The following SOBP variants were observed in gnomAD, a reference collection of about 807,000 sequenced individuals.
SOBP encodes the protein sine oculis binding protein homolog, also known as sine oculis-binding protein homolog.
Under a neutral mutation model 53.6 loss-of-function variants are expected in SOBP, and 4 were observed. The observed-to-expected ratio is 0.07, with a 90% confidence interval of 0.04 to 0.17. The LOEUF (loss-of-function observed/expected upper bound fraction) is 0.17. SOBP is among the 10% of genes least tolerant of loss of function. The pLI, the probability that SOBP is intolerant of heterozygous loss-of-function variation, is 1.00. For synonymous variants in SOBP, 584 were observed against 522.6 expected (o/e 1.12, Z -1.60); for missense variants, 1,088 against 1,204.7 (o/e 0.90, Z 1.43).
chr6:107,560,912 A>G (rs1784755505), intron 4 of SOBP, among the ~76,000 whole-genome samples: 1 of 152,126 alleles, frequency 6.6e-6, no homozygotes, highest in African/African-American at 2.4e-5. Flanking sequence ...TACTTGAGAG[A>G]CTCAGAAATG....
At chr6:107,628,123 C>T (rs1770542114) in intron 5 of SOBP, among the ~76,000 whole-genome samples, 1 of 152,234 alleles carries the variant, frequency 6.6e-6, no homozygotes, top group South Asian at 2.1e-4. Context: ...ACTATTCAAA[C>T]AGCAGTTGAG....
chr6:107,556,532 G>T (rs1784614485), intron 4 of SOBP, among the ~76,000 whole-genome samples: 1 of 152,210 alleles, frequency 6.6e-6, no homozygotes. Context: ...ACTATTTGGA[G>T]GTATCCAACG....
intron 1 of SOBP, among the ~76,000 whole-genome samples, chr6:107,497,920 A>G (rs1782740910): frequency 6.6e-6 from 1 of 152,204 alleles, no homozygotes; most frequent in African/African-American, 2.4e-5. Context: ...TAATGCATAG[A>G]GTCAAATTAC....
Position 107,490,455 on chromosome 6 carries a change from G to A in SOBP, c.-162G>A. On this transcript the variant is annotated 5_prime_UTR_variant, in exon 1 of 7. Transcript: ENST00000317357. ...CCGCTAGAAGAGACCCCGCTTCTCGGCGCCTGCCCTCCCCCTCGCGGCTCG... is the reference window on the plus strand; with the variant it reads ...CCGCTAGAAGAGACCCCGCTTCTCGACGCCTGCCCTCCCCCTCGCGGCTCG... 3.3e-6 allele frequency: 2 copies of A among 597,406 alleles called. No individual in the cohort carries two copies. Among genetic ancestry groups the A allele is most frequent in the Non-Finnish European group, 5.9e-6 (2 of 336,652 alleles). 37.0% of individuals were successfully genotyped at this position (597,406 alleles called of 1,614,324 possible). A position where few individuals can be genotyped will look rare whatever the true frequency, so the allele number is the denominator to read the frequency against.
At chr6:107,624,610 T>C (rs1210979714) in intron 5 of SOBP, among the ~76,000 whole-genome samples, 1 of 152,186 alleles carries the variant, frequency 6.6e-6, no homozygotes, top group African/African-American at 2.4e-5. Flanking sequence ...GCCTCAATTA[T>C]ATTGCATAGA....
At position 107,634,275 on chromosome 6, in the gene SOBP, C is replaced by T. The variant is rs1208665193; in HGVS notation, c.1431C>T (p.Pro477=). ...TMPGNPPGLL[P]PPPPGAPLPS... is the part of the protein sequence containing the mutation. ...CCGGGAACCCCCCAGGCCTGCTGCC[C>T]CCGCCGCCTCCGGGCGCCCCGCTGC... Residue 477 remains proline (P), a synonymous_variant, in exon 6 of 7, where the codon CCC becomes CCT. Coordinates refer to ENST00000317357, the MANE Select transcript of SOBP (RefSeq NM_018013.4). The surrounding 1 kb of genome is among the most constrained non-coding windows in gnomAD (Gnocchi z 4.5). 4 of 1,558,444 alleles carry T rather than the reference C, an allele frequency of 2.6e-6. No homozygotes were observed. In the South Asian group the frequency reaches 3.5e-5, roughly 14 times the overall value.
intron 3 of SOBP, chr6:107,529,623 T>C (rs1029378430): frequency 1.0e-6 from 1 of 985,250 alleles, no homozygotes; most frequent in African/African-American, 1.7e-5. Flanking sequence ...TAAGTTAGTA[T>C]ACATGTTTAT....
chr6:107,606,760 A>T (rs950182132), intron 5 of SOBP, among the ~76,000 whole-genome samples: 12 of 152,314 alleles, frequency 7.9e-5, no homozygotes, highest in Non-Finnish European at 1.5e-4. Context: ...TGCCTACAGG[A>T]GCAGGAGAGG....
chr6:107,578,136 C>CTT (rs990358768), intron 4 of SOBP, among the ~76,000 whole-genome samples: 1 of 150,662 alleles, frequency 6.6e-6, no homozygotes, highest in African/African-American at 2.4e-5. Context: ...GGAGTACCAT[C>CTT]TTTCACAGGC....
intron 4 of SOBP, among the ~76,000 whole-genome samples, chr6:107,571,373 G>A (rs903448497): frequency 7.2e-5 from 11 of 152,326 alleles, no homozygotes; most frequent in Admixed American, 3.3e-4. Context: ...TAAAGGGCAG[G>A]GGCCAAAGGA....
At chr6:107,490,761 C>T (rs751300371) in intron 1 of SOBP, 49 bp downstream of exon 1, 6 of 1,423,490 alleles carry the variant, frequency 4.2e-6, no homozygotes, top group Non-Finnish European at 5.8e-6. Context: ...TTCTTGCGCC[C>T]GCTCCCCGTG....
At position 107,626,470 on chromosome 6, in the gene SOBP, G is replaced by A. The variant is rs372523391; in HGVS notation, c.670-7044G>A. Among the ~76,000 whole-genome samples the A allele has an allele frequency of 3.3e-5, 5 of 152,348 alleles. No homozygotes were observed. The East Asian group carries it at 7.7e-4, about 23-fold the overall frequency. On this transcript the variant is annotated intron_variant, in intron 5 of 6. Coordinates refer to ENST00000317357, the MANE Select transcript of SOBP (RefSeq NM_018013.4). Reference sequence around the variant, plus strand: ...GTTTTCTCTTAAGCTTCAGTTTGAAGCAGAGATGCTTGAATGAAAACAAAA... The same window carrying A: ...GTTTTCTCTTAAGCTTCAGTTTGAAACAGAGATGCTTGAATGAAAACAAAA...
At chr6:107,632,776 T>C (rs954940291) in intron 5 of SOBP, among the ~76,000 whole-genome samples, 5 of 152,204 alleles carry the variant, frequency 3.3e-5, no homozygotes, top group African/African-American at 1.2e-4. Context: ...GAAAAAGCCA[T>C]AACAACTTTT....
chr6:107,645,397 T>C (rs1428634844), intron 6 of SOBP, among the ~76,000 whole-genome samples: 1 of 152,030 alleles, frequency 6.6e-6, no homozygotes, highest in Non-Finnish European at 1.5e-5. Flanking sequence ...CAATATCTAA[T>C]GCTGACTTTG....
intron 5 of SOBP, 125 bp downstream of exon 5, chr6:107,587,300 A>G: frequency 1.3e-6 from 1 of 783,100 alleles, no homozygotes; most frequent in Non-Finnish European, 2.2e-6. Context: ...TAGAGTTCTA[A>G]ATGCTAATTC....
At chr6:107,616,441 G>A (rs1306533475) in intron 5 of SOBP, among the ~76,000 whole-genome samples, 4 of 152,168 alleles carry the variant, frequency 2.6e-5, no homozygotes, top group Non-Finnish European at 5.9e-5. Flanking sequence ...CTAAAATCTG[G>A]GAAGATTTTC....
At chr6:107,594,810 G>T (rs143361945) in intron 5 of SOBP, among the ~76,000 whole-genome samples, 1 of 152,184 alleles carries the variant, frequency 6.6e-6, no homozygotes, top group Non-Finnish European at 1.5e-5. Flanking sequence ...TTCCATTTTA[G>T]AAGTGGGGAA....
At chr6:107,545,363 C>G (rs1319907254) in intron 4 of SOBP, among the ~76,000 whole-genome samples, 1 of 152,158 alleles carries the variant, frequency 6.6e-6, no homozygotes, top group Non-Finnish European at 1.5e-5. Flanking sequence ...ACACTCAGGT[C>G]CCTAGGCAAG....
At chr6:107,653,080 G>C (rs1771875586) in intron 6 of SOBP, among the ~76,000 whole-genome samples, 1 of 152,162 alleles carries the variant, frequency 6.6e-6, no homozygotes, top group African/African-American at 2.4e-5. Flanking sequence ...ATCTTCATCA[G>C]TTAATGAGCT....
Sources: gnomAD v4.1 joint callset for allele counts (sites outside exome capture counted in the v4.1 genomes callset) on GRCh38, gnomAD v4.1.1 for gene constraint, Gnocchi (gnomAD v3.1) non-coding constraint, MANE v1.5 for transcripts, NCBI Gene and HGNC (gene_info 2026-07-23, HGNC 2026-07-21) for gene names.